Variants in TNS3 observed in about 807,000 individuals in gnomAD.
TNS3 encodes tensin 3.
Under a neutral mutation model 140.9 loss-of-function variants are expected in TNS3, and 45 were observed. The observed-to-expected ratio is 0.32, with a 90% CI of 0.25 to 0.41. The LOEUF is 0.41. Ranked by LOEUF, TNS3 falls within the 10% of genes least tolerant of loss-of-function variation. The pLI, the probability that TNS3 is intolerant of heterozygous loss-of-function variation, is 1.00. For synonymous variants in TNS3, 815 were observed against 788.4 expected (o/e 1.03, Z -0.56); for missense variants, 1,716 against 1,906.7 (o/e 0.90, Z 1.86).
intron 1 of TNS3, among the ~76,000 whole-genome samples, chr7:47,578,532 C>G (rs1236722492): frequency 1.3e-5 from 2 of 149,412 alleles, no homozygotes; most frequent in Non-Finnish European, 3.0e-5. Flanking sequence ...CCAGGTAGAG[C>G]TGCGCCAGGT....
intron 20 of TNS3, among the ~76,000 whole-genome samples, chr7:47,323,317 T>C (rs1397526970): frequency 6.6e-6 from 1 of 152,208 alleles, no homozygotes; most frequent in Non-Finnish European, 1.5e-5. Flanking sequence ...AAGTGGCACA[T>C]GCTTCCGGTA....
intron 4 of TNS3, among the ~76,000 whole-genome samples, chr7:47,452,770 G>T (rs1199140211): frequency 6.6e-6 from 1 of 152,178 alleles, no homozygotes; most frequent in African/African-American, 2.4e-5. Context: ...AGGTCCCACC[G>T]AACATCTGCA....
intron 3 of TNS3, among the ~76,000 whole-genome samples, chr7:47,489,209 C>T (rs917880801): frequency 2.0e-5 from 3 of 152,110 alleles, no homozygotes; most frequent in Non-Finnish European, 4.4e-5. Context: ...GGCTGAGAAC[C>T]GGGACAGGAG....
chr7:47,552,140 G>C (rs970557752), intron 1 of TNS3, among the ~76,000 whole-genome samples: 15 of 151,814 alleles, frequency 9.9e-5, no homozygotes, highest in Non-Finnish European at 2.2e-4. Flanking sequence ...TTCTCCTGAG[G>C]CTATTTTGGC....
intron 17 of TNS3, among the ~76,000 whole-genome samples, chr7:47,347,489 G>A (rs983436900): frequency 5.3e-5 from 8 of 151,986 alleles, no homozygotes; most frequent in Admixed American, 3.9e-4. Context: ...CAGCAGGACC[G>A]CTGTAAGGTT....
chr7:47,441,499 A>AT (rs1284690790), intron 5 of TNS3, among the ~76,000 whole-genome samples: 1 of 152,192 alleles, frequency 6.6e-6, no homozygotes, highest in Non-Finnish European at 1.5e-5. Flanking sequence ...TTTAAGGTTG[A>AT]TTTGTTCAAA....
At chr7:47,445,310 G>A (rs1795674226) in intron 4 of TNS3, among the ~76,000 whole-genome samples, 1 of 152,164 alleles carries the variant, frequency 6.6e-6, no homozygotes, top group Non-Finnish European at 1.5e-5. Context: ...GAGCCCAGCA[G>A]AAACCCCAGT....
intron 10 of TNS3, among the ~76,000 whole-genome samples, chr7:47,423,077 C>T (rs1418349169): frequency 2.0e-5 from 3 of 152,202 alleles, no homozygotes; most frequent in Non-Finnish European, 4.4e-5. Context: ...AAAGGTGCCT[C>T]TGGTGATGCT....
chr7:47,573,941 TTGGGGAAGGCATTA>T (rs1800615225), intron 1 of TNS3, among the ~76,000 whole-genome samples: 1 of 152,066 alleles, frequency 6.6e-6, no homozygotes, highest in South Asian at 2.1e-4. Context: ...CCACCATCAG[TTGGGGAAGGCATTA>T]TGGGGAGGGC....
chr7:47,424,506 G>A (rs1048891016), intron 9 of TNS3, among the ~76,000 whole-genome samples: 1 of 152,228 alleles, frequency 6.6e-6, no homozygotes, highest in Non-Finnish European at 1.5e-5. Context: ...TTCTCAGCAG[G>A]CAGGTGGTAG....
Position 47,371,053 on chromosome 7 carries a change from G to A in TNS3, c.1025-1432C>T, listed in dbSNP as rs113281643. ...AACAGTGCCCAAGGGAAAGCACGCA[G>A]AGAAGTGGGGAGTGGGGAGAGTGGA... On this transcript the variant is annotated intron_variant, in intron 16 of 30. Transcript: ENST00000311160. 1.9e-3 allele frequency among the ~76,000 whole-genome samples: 296 copies of A among 152,336 alleles called. 3 individuals are homozygous for A. Among genetic ancestry groups the A allele is most frequent in the African/African-American group, 6.3e-3 (263 of 41,580 alleles).
At chr7:47,468,168 G>A (rs185657327) in intron 4 of TNS3, among the ~76,000 whole-genome samples, 19 of 152,212 alleles carry the variant, frequency 1.2e-4, no homozygotes, top group Middle Eastern at 3.4e-3. Flanking sequence ...AAATTAGGCC[G>A]GGCACAGTGG....
At chr7:47,528,926 G>T (rs1799296223) in intron 2 of TNS3, 110 bp downstream of exon 2, 1 of 549,474 alleles carries the variant, frequency 1.8e-6, no homozygotes, top group South Asian at 2.1e-5. Context: ...AACTAAGAAG[G>T]GGAATTCCAT....
At chr7:47,519,055 G>A (rs1404902463) in intron 2 of TNS3, among the ~76,000 whole-genome samples, 2 of 152,188 alleles carry the variant, frequency 1.3e-5, no homozygotes, top group East Asian at 3.9e-4. Flanking sequence ...CAGCCTGTGA[G>A]TAGGGCCAGC....
At chr7:47,450,870 C>A in intron 4 of TNS3, among the ~76,000 whole-genome samples, 1 of 152,378 alleles carries the variant, frequency 6.6e-6, no homozygotes, top group South Asian at 2.1e-4. Context: ...GGCATGGTGG[C>A]TCACACCTGT....
rs1313793704 is a variant in TNS3 at position 47,538,602 on chromosome 7, C to CCAACT, written c.-264-9456_-264-9455insAGTTG. Among the ~76,000 whole-genome samples, 5 of 152,298 alleles carry CCAACT rather than the reference C, an allele frequency of 3.3e-5. No homozygotes were observed. In the East Asian group the frequency reaches 9.7e-4, roughly 29 times the overall value. On this transcript the variant is annotated intron_variant, in intron 1 of 30. Coordinates refer to ENST00000311160, the MANE Select transcript of TNS3 (RefSeq NM_022748.12). Reference sequence around the variant, plus strand: ...AAATTCCAGCCATCAATTCAACTGGCTGACGTTAACCTCTCAAGTTCTGGC... The same window carrying CCAACT: ...AAATTCCAGCCATCAATTCAACTGGCCAACTTGACGTTAACCTCTCAAGTTCTGGC...
intron 4 of TNS3, among the ~76,000 whole-genome samples, chr7:47,462,747 C>T (rs1212478329): frequency 6.6e-6 from 1 of 152,120 alleles, no homozygotes; most frequent in African/African-American, 2.4e-5. Flanking sequence ...CACGAGGGAC[C>T]ATCGACTTTT....
At chr7:47,541,305 T>C (rs1487895637) in intron 1 of TNS3, among the ~76,000 whole-genome samples, 2 of 152,134 alleles carry the variant, frequency 1.3e-5, no homozygotes, top group African/African-American at 4.8e-5. Flanking sequence ...TCTAGAGACG[T>C]AGATACATCT....
At chr7:47,458,745 G>A (rs1429238259) in intron 4 of TNS3, among the ~76,000 whole-genome samples, 1 of 152,132 alleles carries the variant, frequency 6.6e-6, no homozygotes, top group Non-Finnish European at 1.5e-5. Flanking sequence ...GCCATCTGAG[G>A]AGCCTGTGTA....
Sources: allele counts gnomAD v4.1 joint callset (sites outside exome capture counted in the v4.1 genomes callset), GRCh38; gene constraint gnomAD v4.1.1; transcripts MANE v1.5; gene names NCBI Gene and HGNC (gene_info 2026-07-23, HGNC 2026-07-21).